TSPAN8: variants seen among roughly 807,000 people sequenced by gnomAD.
TSPAN8 encodes tetraspanin 8.
In TSPAN8, 21 loss-of-function variants were observed where a neutral mutation model predicts 32.8. The ratio of observed to expected loss-of-function variants is 0.64; its 90% confidence interval spans 0.45 to 0.92. TSPAN8 has a LOEUF of 0.92. Among genes scored for constraint, TSPAN8 ranks in the 40% least tolerant of loss-of-function variants. The pLI, the probability that TSPAN8 is intolerant of heterozygous loss-of-function variation, is 0.00. For synonymous variants in TSPAN8, 95 were observed against 94.6 expected, an observed-to-expected ratio of 1.00 and a Z score of -0.03; for missense variants, 269 against 281.9, an observed-to-expected ratio of 0.95 and a Z score of 0.33.
intron 2 of TSPAN8, among the ~76,000 whole-genome samples, chr12:71,150,559 A>G (rs1240840775): frequency 1.3e-5 from 2 of 152,056 alleles, no homozygotes; most frequent in African/African-American, 4.8e-5. Context: ...TTCTCTTTGT[A>G]CTGTTTCTCT....
rs577683224 is a variant in TSPAN8 at position 71,155,354 on chromosome 12, T to C, written c.60+2265A>G. 6.4e-4 allele frequency among the ~76,000 whole-genome samples: 97 copies of C among 152,184 alleles called. 5 individuals carry two copies. The highest frequency in any genetic ancestry group is 5.0e-3 in the South Asian group (24 of 4,822). ...TCATGAAAGAATACAAAATCACTTA[T>C]GATTGTCGTGTGAAAAAAAAAGGAC... On this transcript the variant is annotated intron_variant, in intron 2 of 8. Coordinates refer to ENST00000247829, the MANE Select transcript of TSPAN8 (RefSeq NM_004616.3).
intron 6 of TSPAN8, among the ~76,000 whole-genome samples, chr12:71,135,342 G>GGAAGAAGGAGGAGAAAGAA: frequency 7.4e-6 from 1 of 135,572 alleles, no homozygotes; most frequent in African/African-American, 2.9e-5. Flanking sequence ...AGGAGGAGGA[G>GGAAGAAGGAGGAGAAAGAA]GAAGAAGGAG....
At position 71,132,803 on chromosome 12, in the gene TSPAN8, T is replaced by C; in HGVS notation, c.466A>G (p.Asn156Asp). ...TTATTTCCCCAATCAGCAGCTCCAT[T>C]GACCAAACCGCAGCATTTAAACTGT... Reference protein sequence around the residue: ...QEEFKCCGLVNGAADWGNNFQ... With the variant: ...QEEFKCCGLVDGAADWGNNFQ... The change falls in exon 7 of 9, where the codon AAT becomes GAT. Residue 156 changes from asparagine to aspartate, a missense_variant. Coordinates refer to ENST00000247829, the MANE Select transcript of TSPAN8 (RefSeq NM_004616.3). 1 of 1,613,960 alleles carries C rather than the reference T, an allele frequency of 6.2e-7. No homozygotes were observed. Among genetic ancestry groups the C allele is most frequent in the Non-Finnish European group, 8.5e-7 (1 of 1,179,944 alleles).
At position 71,137,525 on chromosome 12, in the gene TSPAN8, G is replaced by A. The variant is rs565224408; in HGVS notation, c.444+428C>T. The stretch of plus-strand genomic sequence containing the variant: ...TGAGACAGGAGAATCAGTTGAACCC[G>A]GGAGGCAGAGGTTGCAGCGAGCCAA... On this transcript the variant is annotated intron_variant, in intron 6 of 8. Coordinates refer to ENST00000247829, the MANE Select transcript of TSPAN8 (RefSeq NM_004616.3). Among the ~76,000 whole-genome samples, 599 of 151,992 alleles carry A rather than the reference G, an allele frequency of 3.9e-3. 1 individual carries two copies. Among genetic ancestry groups the A allele is most frequent in the Non-Finnish European group, 6.7e-3 (453 of 67,946 alleles).
chr12:71,125,421 T>A, intron 8 of TSPAN8, 34 bp from the exon 9 acceptor site: 1 of 1,569,008 alleles, frequency 6.4e-7, no homozygotes, highest in East Asian at 2.2e-5. Flanking sequence ...AACATGGAAT[T>A]TAAGGGAAAA....
In TSPAN8 at chr12:71,137,494, G is replaced by T. The variant is rs150221282; in HGVS notation, c.444+459C>A. 6.3e-3 allele frequency among the ~76,000 whole-genome samples: 962 copies of T among 152,040 alleles called. 13 individuals carry two copies. Among genetic ancestry groups the T allele is most frequent in the African/African-American group, 0.022 (894 of 41,450 alleles). On this transcript the variant is annotated intron_variant, in intron 6 of 8. Coordinates refer to ENST00000247829, the MANE Select transcript of TSPAN8 (RefSeq NM_004616.3). Reference sequence around the variant, plus strand: ...GCATGTCTGTAGTCTCAGCTACTCAGGAGGCTGAGACAGGAGAATCAGTTG... The same window carrying T: ...GCATGTCTGTAGTCTCAGCTACTCATGAGGCTGAGACAGGAGAATCAGTTG...
intron 8 of TSPAN8, among the ~76,000 whole-genome samples, chr12:71,125,763 G>A (rs566283064): frequency 2.0e-5 from 3 of 152,136 alleles, no homozygotes; most frequent in Admixed American, 1.3e-4. Flanking sequence ...CTAAATATAC[G>A]TAATGCTTCC....
intron 3 of TSPAN8, among the ~76,000 whole-genome samples, chr12:71,141,126 A>C (rs542315049): frequency 1.3e-5 from 2 of 152,338 alleles, no homozygotes; most frequent in South Asian, 4.1e-4. Flanking sequence ...ATCCTGGAAC[A>C]GTCACCCAAC....
In TSPAN8 at chr12:71,156,258, AAAAAAAAAAACAAAC is replaced by A. The variant is rs1368604605; in HGVS notation, c.60+1346_60+1360del. Among the ~76,000 whole-genome samples, 34 of 105,944 alleles carry A rather than the reference AAAAAAAAAAACAAAC, an allele frequency of 3.2e-4. 5 individuals carry two copies. The highest frequency in any genetic ancestry group is 9.4e-4 in the African/African-American group (24 of 25,658). The allele number at this position is 105,944 out of a possible 152,430, so 69.5% of individuals were successfully genotyped here. A position where few individuals can be genotyped will look rare whatever the true frequency, so the allele number is the denominator to read the frequency against. On this transcript the variant is annotated intron_variant, in intron 2 of 8. Coordinates refer to ENST00000247829, the MANE Select transcript of TSPAN8 (RefSeq NM_004616.3). The stretch of plus-strand genomic sequence containing the variant: ...GAATATTCAAAGTTCTCCAAAAAAA[AAAAAAAAAAACAAAC>A]AAAAAAAAAACTAGAAACAAAACAA...
At chr12:71,142,191 G>A (rs140862856) in intron 3 of TSPAN8, among the ~76,000 whole-genome samples, 23 of 152,286 alleles carry the variant, frequency 1.5e-4, no homozygotes, top group African/African-American at 5.5e-4. Flanking sequence ...GCTGGTTAAT[G>A]TTGTCCTGGC....
chr12:71,156,879 C>A (rs1362244016), intron 2 of TSPAN8: 3 of 152,198 alleles, frequency 2.0e-5, no homozygotes, highest in Non-Finnish European at 4.4e-5. Context: ...GTCCCAACAT[C>A]CCAGCCTGCT....
intron 6 of TSPAN8, among the ~76,000 whole-genome samples, chr12:71,134,848 C>G (rs545261179): frequency 3.3e-5 from 5 of 152,232 alleles, no homozygotes; most frequent in Middle Eastern, 3.4e-3. Flanking sequence ...AAACTTGTCA[C>G]GATATCAAGT....
intron 8 of TSPAN8, among the ~76,000 whole-genome samples, chr12:71,125,713 C>T (rs11178637): frequency 0.33 from 49,373 of 151,852 alleles, 8,913 homozygotes; most frequent in Non-Finnish European, 0.42. Flanking sequence ...TTCTGCAGAG[C>T]GTCTCCTCTG....
At chr12:71,126,337 A>G (rs1431813682) in intron 8 of TSPAN8, among the ~76,000 whole-genome samples, 3 of 152,226 alleles carry the variant, frequency 2.0e-5, no homozygotes, top group African/African-American at 7.2e-5. Flanking sequence ...AAAATGTGCT[A>G]CAATTGAAGA....
Position 71,137,400 on chromosome 12 carries a change from A to G in TSPAN8, c.444+553T>C, listed in dbSNP as rs184931950. On this transcript the variant is annotated intron_variant, in intron 6 of 8. Coordinates refer to ENST00000247829, the MANE Select transcript of TSPAN8 (RefSeq NM_004616.3). Reference sequence around the variant, plus strand: ...GATCACCTGAGGTCAGGAGTTCAAGACCAACCTTACCAACATGGTGAGACT... The same window carrying G: ...GATCACCTGAGGTCAGGAGTTCAAGGCCAACCTTACCAACATGGTGAGACT... 1.7e-4 allele frequency among the ~76,000 whole-genome samples: 26 copies of G among 152,308 alleles called. No homozygotes were observed. The East Asian group carries it at 4.4e-3, about 26-fold the overall frequency.
chr12:71,144,362 A>G (rs1872005322), intron 2 of TSPAN8, 149 bp from the exon 3 acceptor site: 1 of 602,722 alleles, frequency 1.7e-6, no homozygotes, highest in Non-Finnish European at 2.9e-6. Context: ...ATTCATATAC[A>G]GATCATTGTT....
chr12:71,133,747 A>T (rs1233397732), intron 6 of TSPAN8, among the ~76,000 whole-genome samples: 1 of 152,232 alleles, frequency 6.6e-6, no homozygotes, highest in Non-Finnish European at 1.5e-5. Context: ...GAGGGTTTGC[A>T]GCCACATTTG....
intron 2 of TSPAN8, among the ~76,000 whole-genome samples, chr12:71,153,229 A>C (rs1872315038): frequency 6.6e-6 from 1 of 152,220 alleles, no homozygotes; most frequent in African/African-American, 2.4e-5. Context: ...AGCATTAAAA[A>C]ATTGGGGCAT....
intron 6 of TSPAN8, 104 bp downstream of exon 6, chr12:71,137,849 G>T: frequency 9.6e-7 from 1 of 1,040,686 alleles, no homozygotes; most frequent in Non-Finnish European, 1.4e-6. Context: ...ATCAAAATCT[G>T]CAAAATGGAG....
Sources: gnomAD v4.1 joint callset for allele counts (sites outside exome capture counted in the v4.1 genomes callset) on GRCh38, gnomAD v4.1.1 for gene constraint, MANE v1.5 for transcripts, NCBI Gene and HGNC (gene_info 2026-07-23, HGNC 2026-07-21) for gene names.